Variants in CDH13 observed in about 807,000 individuals in gnomAD.
CDH13 encodes cadherin 13.
A neutral mutation model predicts 63.8 loss-of-function variants in CDH13; 24 were observed. The ratio of observed to expected loss-of-function variants is 0.38; its 90% CI spans 0.27 to 0.53. The LOEUF is 0.53. CDH13 is among the 20% of genes least tolerant of loss of function. The probability of loss-of-function intolerance (pLI) is 0.85; values close to 1 mark genes in which losing one functional copy is unlikely to be tolerated. For missense variants in CDH13, 1,049 were observed against 903.1 expected, an observed-to-expected ratio of 1.16 and a Z score of -2.07; for synonymous variants, 503 against 355.3, an observed-to-expected ratio of 1.42 and a Z score of -4.67.
chr16:83,788,750 C>T, intron 13 of CDH13, among the ~76,000 whole-genome samples: 1 of 152,178 alleles, frequency 6.6e-6, no homozygotes, highest in South Asian at 2.1e-4. Context: ...TTTATGTGCT[C>T]GTCTAAGGGG....
In CDH13 at chr16:83,040,274, TAATGTGATAG is replaced by T. The variant is rs749847644; in HGVS notation, c.366+8058_366+8067del. 1.0e-3 allele frequency among the ~76,000 whole-genome samples: 155 copies of T among 152,232 alleles called. No individual in the cohort carries two copies. The Middle Eastern group carries it at 0.01, about 10-fold the overall frequency. On this transcript the variant is annotated intron_variant, in intron 3 of 13. Transcript: ENST00000567109. ...TCAAGGTTCTTTAAAGACACAGAAC[TAATGTGATAG>T]ATGAATATATGAAGGGGAGTTTATT...
chr16:83,193,609 A>C (rs539891985), intron 4 of CDH13, among the ~76,000 whole-genome samples: 1 of 152,216 alleles, frequency 6.6e-6, no homozygotes, highest in South Asian at 2.1e-4. Context: ...CATTTGTGCA[A>C]GAGTCAAGTT....
intron 7 of CDH13, among the ~76,000 whole-genome samples, chr16:83,560,974 A>G (rs1229920582): frequency 6.6e-6 from 1 of 152,148 alleles, no homozygotes; most frequent in Non-Finnish European, 1.5e-5. Flanking sequence ...GCAAATTAGA[A>G]CAAGTAAGAA....
At chr16:83,653,918 G>A (rs1253167353) in intron 8 of CDH13, among the ~76,000 whole-genome samples, 1 of 152,142 alleles carries the variant, frequency 6.6e-6, no homozygotes, top group African/African-American at 2.4e-5. Context: ...TACAGACAGG[G>A]GATTGAAGGC....
intron 3 of CDH13, among the ~76,000 whole-genome samples, chr16:83,045,744 T>C (rs1205551606): frequency 6.6e-6 from 1 of 152,012 alleles, no homozygotes; most frequent in African/African-American, 2.4e-5. Flanking sequence ...ATTTTCTCTA[T>C]TTGATTCTCT....
At chr16:83,339,808 A>G (rs2090682475) in intron 5 of CDH13, among the ~76,000 whole-genome samples, 2 of 152,200 alleles carry the variant, frequency 1.3e-5, no homozygotes, top group African/African-American at 2.4e-5. Context: ...TGTGAGCAGG[A>G]AACCACTAGC....
At chr16:83,573,992 C>T (rs985746424) in intron 7 of CDH13, among the ~76,000 whole-genome samples, 4 of 152,090 alleles carry the variant, frequency 2.6e-5, no homozygotes, top group East Asian at 1.9e-4. Flanking sequence ...TGAGGATCCC[C>T]AGATACGCTT....
At chr16:83,261,834 C>G (rs1255003244) in intron 5 of CDH13, among the ~76,000 whole-genome samples, 1 of 151,986 alleles carries the variant, frequency 6.6e-6, no homozygotes, top group African/African-American at 2.4e-5. Context: ...CCTCTCAATA[C>G]TGGTCTCTTG....
Position 83,165,893 on chromosome 16 carries a change from G to T in CDH13, c.483+40392G>T, listed in dbSNP as rs1444242493. On this transcript the variant is annotated intron_variant, in intron 4 of 13. Transcript: ENST00000567109. ...AGGCTTCAGCACAATCGCTCTGTAG[G>T]ACCCAGGAGAGAGAAGAGTAGCCTG... 3.3e-5 allele frequency among the ~76,000 whole-genome samples: 5 copies of T among 152,132 alleles called. 1 individual carries two copies. The highest frequency in any genetic ancestry group is 2.0e-4 in the Admixed American group (3 of 15,262).
At chr16:83,410,964 G>T (rs11645746) in intron 6 of CDH13, among the ~76,000 whole-genome samples, 6 of 152,170 alleles carry the variant, frequency 3.9e-5, no homozygotes, top group Admixed American at 1.3e-4. Context: ...AGTCTTTGCC[G>T]AAATACACAG....
At chr16:83,363,080 A>T (rs2091194613) in intron 6 of CDH13, among the ~76,000 whole-genome samples, 1 of 152,232 alleles carries the variant, frequency 6.6e-6, no homozygotes. Flanking sequence ...AATTTTCTAG[A>T]GTTAGAAAAA....
intron 1 of CDH13, among the ~76,000 whole-genome samples, chr16:82,702,488 C>G (rs1339840651): frequency 6.6e-6 from 1 of 152,120 alleles, no homozygotes; most frequent in African/African-American, 2.4e-5. Context: ...CCATAAATAC[C>G]TGTTGATTGA....
chr16:83,534,827 G>A (rs975927184), intron 7 of CDH13, among the ~76,000 whole-genome samples: 1 of 152,186 alleles, frequency 6.6e-6, no homozygotes, highest in African/African-American at 2.4e-5. Context: ...AATTAGCAGT[G>A]CGTATACACA....
chr16:83,462,596 C>A (rs917402115), intron 6 of CDH13, among the ~76,000 whole-genome samples: 1 of 151,896 alleles, frequency 6.6e-6, no homozygotes, highest in Non-Finnish European at 1.5e-5. Flanking sequence ...ATTAAAAATA[C>A]AAAAAAAATA....
At chr16:83,301,878 G>C (rs2089756417) in intron 5 of CDH13, among the ~76,000 whole-genome samples, 1 of 151,700 alleles carries the variant, frequency 6.6e-6, no homozygotes, top group South Asian at 2.1e-4. Context: ...AGGGAGAGGG[G>C]TGCTCTGGTT....
intron 8 of CDH13, among the ~76,000 whole-genome samples, chr16:83,663,997 C>CAAAA (rs77224826): frequency 1.2e-5 from 1 of 86,592 alleles, no homozygotes; most frequent in Non-Finnish European, 2.5e-5. Flanking sequence ...CCCATCTCTA[C>CAAAA]AAAAAAAAAA....
intron 11 of CDH13, among the ~76,000 whole-genome samples, chr16:83,749,510 G>GT (rs1417822207): frequency 5.3e-5 from 8 of 152,170 alleles, no homozygotes; most frequent in Admixed American, 4.6e-4. Context: ...CTATAAGTGC[G>GT]TATGTAGGAA....
Position 82,661,368 on chromosome 16 carries a change from C to T in CDH13, c.45+34231C>T, listed in dbSNP as rs1048590095. 1.1e-4 allele frequency among the ~76,000 whole-genome samples: 17 copies of T among 152,176 alleles called. 1 individual carries two copies. Among genetic ancestry groups the T allele is most frequent in the South Asian group, 4.1e-4 (2 of 4,828 alleles). ...GGAACAGATAGGAACGGGTAATTGA[C>T]AGACATTAAGAAATAGACTTAAATA... is the stretch of plus-strand genomic sequence containing the variant. On this transcript the variant is annotated intron_variant, in intron 1 of 13. Coordinates refer to ENST00000567109, the MANE Select transcript of CDH13 (RefSeq NM_001257.5).
At chr16:83,521,235 T>A (rs944998781) in intron 7 of CDH13, among the ~76,000 whole-genome samples, 1 of 152,304 alleles carries the variant, frequency 6.6e-6, no homozygotes, top group Middle Eastern at 3.4e-3. Context: ...TCCTCTTAGG[T>A]TTCTTCCAGC....
Sources: allele counts gnomAD v4.1 joint callset (sites outside exome capture counted in the v4.1 genomes callset), GRCh38; gene constraint gnomAD v4.1.1; transcripts MANE v1.5; gene names NCBI Gene and HGNC (gene_info 2026-07-23, HGNC 2026-07-21).